ZNF33B: variants seen among roughly 807,000 people sequenced by gnomAD.
ZNF33B encodes zinc finger protein 33B, also known as zinc finger protein 11b (KOX 2).
A neutral mutation model predicts 45.8 loss-of-function variants in ZNF33B; 29 were observed. The observed-to-expected ratio is 0.63, with a 90% CI of 0.47 to 0.86. The LOEUF (loss-of-function observed/expected upper bound fraction) is 0.86, where lower values mean the gene tolerates loss of function less well. Ranked by LOEUF, ZNF33B falls within the 40% of genes least tolerant of loss-of-function variation. The pLI, the probability that ZNF33B is intolerant of heterozygous loss-of-function variation, is 0.00. For synonymous variants in ZNF33B, 305 were observed against 307.8 expected (o/e 0.99, Z 0.10); for missense variants, 831 against 909.9 (o/e 0.91, Z 1.12).
Position 42,591,422 on chromosome 10 carries a change from T to C in ZNF33B, c.*1191A>G, listed in dbSNP as rs1288949683. 9.7e-6 allele frequency: 3 copies of C among 307,902 alleles called. No homozygotes were observed. Among genetic ancestry groups the C allele is most frequent in the African/African-American group, 2.3e-5 (1 of 44,122 alleles). 19.1% of individuals were successfully genotyped at this position (307,902 alleles called of 1,614,324 possible). Reference sequence around the variant, plus strand: ...GGCCTAGATCTTCACACGTACAGGATAGATTTTTTTTCAGATAATCTGTTA... The same window carrying C: ...GGCCTAGATCTTCACACGTACAGGACAGATTTTTTTTCAGATAATCTGTTA... On this transcript the variant is annotated 3_prime_UTR_variant, in exon 5 of 5. Coordinates refer to ENST00000359467, the MANE Select transcript of ZNF33B (RefSeq NM_006955.3).
intron 2 of ZNF33B, among the ~76,000 whole-genome samples, chr10:42,633,749 C>T (rs1005790440): frequency 6.6e-6 from 1 of 152,096 alleles, no homozygotes; most frequent in African/African-American, 2.4e-5. Context: ...GGGTGGATCA[C>T]CTGAGGACAG....
chr10:42,603,217 C>T (rs981604621), intron 4 of ZNF33B, among the ~76,000 whole-genome samples: 19 of 152,148 alleles, frequency 1.2e-4, no homozygotes, highest in Admixed American at 4.6e-4. Flanking sequence ...CTCCAGATCC[C>T]GAATAATGGA....
intron 4 of ZNF33B, among the ~76,000 whole-genome samples, chr10:42,601,514 C>A (rs1837622085): frequency 7.0e-6 from 1 of 143,436 alleles, no homozygotes; most frequent in African/African-American, 2.6e-5. Flanking sequence ...CTCACTGTCA[C>A]CAGGCTGGAG....
At position 42,576,858 on chromosome 10, in the gene ZNF33B, C is replaced by T. The variant is rs57781447; in HGVS notation, c.74-2180G>A. On this transcript the variant is annotated intron_variant, in intron 1 of 1. Transcript: ENST00000462075. ...AAAAATTTCCCAGTCCAGGGCCGGG[C>T]GCCGTGGCTCATGCCTATAATCCCA... 9.5e-3 allele frequency among the ~76,000 whole-genome samples: 1,451 copies of T among 152,028 alleles called. 19 individuals carry two copies. The highest frequency in any genetic ancestry group is 0.033 in the African/African-American group (1,360 of 41,466).
At chr10:42,600,711 T>C (rs1397069311) in intron 4 of ZNF33B, among the ~76,000 whole-genome samples, 8 of 152,206 alleles carry the variant, frequency 5.3e-5, no homozygotes, top group Admixed American at 2.0e-4. Flanking sequence ...TACTTTTCAG[T>C]AACAGTATAT....
At chr10:42,610,909 C>A (rs1266368711) in intron 4 of ZNF33B, among the ~76,000 whole-genome samples, 2 of 152,044 alleles carry the variant, frequency 1.3e-5, no homozygotes, top group Non-Finnish European at 2.9e-5. Context: ...AAATTTGCTA[C>A]AAAATTACAA....
At chr10:42,630,677 T>C (rs2132159562) in intron 4 of ZNF33B, among the ~76,000 whole-genome samples, 1 of 152,292 alleles carries the variant, frequency 6.6e-6, no homozygotes, top group Admixed American at 6.5e-5. Context: ...CAATCACTCA[T>C]AAGGAAAACT....
In ZNF33B at chr10:42,592,535, A is replaced by G. The variant is rs1837783378; in HGVS notation, c.*78T>C. The stretch of plus-strand genomic sequence containing the variant: ...TAGTTATTGAACATTCAGGATGTCA[A>G]CAGGCCCTTCTCCACAGTGTGAAGA... On this transcript the variant is annotated 3_prime_UTR_variant, in exon 5 of 5. Transcript: ENST00000359467. 5 of 1,519,582 alleles carry G rather than the reference A, an allele frequency of 3.3e-6. No individual in the cohort carries two copies. The highest frequency in any genetic ancestry group is 3.5e-6 in the Non-Finnish European group (4 of 1,129,786). 94.1% of individuals were successfully genotyped at this position (1,519,582 alleles called of 1,614,324 possible).
chr10:42,620,665 G>A (rs1838534964), intron 4 of ZNF33B, among the ~76,000 whole-genome samples: 1 of 151,638 alleles, frequency 6.6e-6, no homozygotes, highest in Non-Finnish European at 1.5e-5. Flanking sequence ...CCAAAGTGCT[G>A]GGATTACAGG....
At chr10:42,637,379 G>A (rs1839356453) in intron 1 of ZNF33B, among the ~76,000 whole-genome samples, 1 of 152,226 alleles carries the variant, frequency 6.6e-6, no homozygotes, top group South Asian at 2.1e-4. Flanking sequence ...CTTAACCTCT[G>A]ATGAGTTAGT....
chr10:42,634,026 G>C (rs1839175348), intron 2 of ZNF33B, among the ~76,000 whole-genome samples: 1 of 151,642 alleles, frequency 6.6e-6, no homozygotes, highest in African/African-American at 2.4e-5. Context: ...AAGGACTACA[G>C]AGACATTTAT....
chr10:42,635,265 CATT>C (rs1839239048), intron 2 of ZNF33B, among the ~76,000 whole-genome samples: 1 of 151,118 alleles, frequency 6.6e-6, no homozygotes, highest in Non-Finnish European at 1.5e-5. Context: ...AATCAGACAT[CATT>C]ATATTTGGGG....
intron 4 of ZNF33B, among the ~76,000 whole-genome samples, chr10:42,613,832 A>G (rs1014618672): frequency 1.3e-5 from 2 of 152,210 alleles, no homozygotes; most frequent in Admixed American, 1.3e-4. Context: ...TAAGCACACC[A>G]TTAGCCCCTA....
downstream of ZNF33B, among the ~76,000 whole-genome samples, chr10:42,588,020 G>A (rs1262691149): frequency 3.3e-5 from 5 of 152,154 alleles, no homozygotes; most frequent in Non-Finnish European, 7.4e-5. Context: ...TAGGCCATCT[G>A]CATGCACAAC....
chr10:42,637,097 T>A (rs1365894527), intron 1 of ZNF33B, 125 bp from the exon 2 acceptor site: 1 of 860,606 alleles, frequency 1.2e-6, no homozygotes, highest in African/African-American at 1.7e-5. Flanking sequence ...AGAATATCAA[T>A]GTCCTCTGAC....
At chr10:42,599,581 T>C (rs1837540361) in intron 4 of ZNF33B, among the ~76,000 whole-genome samples, 1 of 151,920 alleles carries the variant, frequency 6.6e-6, no homozygotes, top group African/African-American at 2.4e-5. Flanking sequence ...ATCCCATATA[T>C]GACAAACGTC....
At chr10:42,614,568 C>T (rs1838234160) in intron 4 of ZNF33B, among the ~76,000 whole-genome samples, 1 of 152,208 alleles carries the variant, frequency 6.6e-6, no homozygotes, top group African/African-American at 2.4e-5. Context: ...ATTCTCTCTA[C>T]TACCTCCCCA....
rs540721755 is a variant in ZNF33B at position 42,637,307 on chromosome 10, AC to A, written c.-44-336del. On this transcript the variant is annotated intron_variant, in intron 1 of 4. Coordinates refer to ENST00000359467, the MANE Select transcript of ZNF33B (RefSeq NM_006955.3). ...AGTTAACAATACATTTAATGAAAAAACATTAACACTAAAACCATTGTAAAGA... is the reference window on the plus strand; with the variant it reads ...AGTTAACAATACATTTAATGAAAAAAATTAACACTAAAACCATTGTAAAGA... 1.9e-4 allele frequency among the ~76,000 whole-genome samples: 29 copies of A among 152,370 alleles called. 1 individual carries two copies. In the South Asian group the frequency reaches 6.0e-3, roughly 32 times the overall value.
At chr10:42,617,439 AAAT>A (rs1293931921) in intron 4 of ZNF33B, among the ~76,000 whole-genome samples, 14 of 152,128 alleles carry the variant, frequency 9.2e-5, no homozygotes, top group Admixed American at 6.6e-4. Flanking sequence ...CAGCTGGAAG[AAAT>A]AATGAGAAGA....
Sources: allele counts gnomAD v4.1 joint callset (sites outside exome capture counted in the v4.1 genomes callset), GRCh38; gene constraint gnomAD v4.1.1; transcripts MANE v1.5; gene names NCBI Gene and HGNC (gene_info 2026-07-23, HGNC 2026-07-21).